BRINP3: variants seen among roughly 807,000 people sequenced by gnomAD.
BRINP3 encodes the protein BMP/retinoic acid-inducible neural-specific protein 3.
In BRINP3, 19 loss-of-function variants were observed where a neutral mutation model predicts 71.0. That is an observed-to-expected ratio of 0.27 (90% CI 0.19 to 0.39). The LOEUF (loss-of-function observed/expected upper bound fraction) is 0.39, where lower values mean the gene tolerates loss of function less well. Ranked by LOEUF, BRINP3 falls within the 10% of genes least tolerant of loss-of-function variation. The pLI is 1.00. For missense variants in BRINP3, 959 were observed against 940.8 expected (o/e 1.02, Z -0.25); for synonymous variants, 380 against 337.7 (o/e 1.13, Z -1.37).
At chr1:190,296,245 T>A (rs1375580322) in intron 2 of BRINP3, among the ~76,000 whole-genome samples, 1 of 150,986 alleles carries the variant, frequency 6.6e-6, no homozygotes, top group African/African-American at 2.4e-5. Flanking sequence ...AAAAAAAACA[T>A]GGGATGTAAG....
chr1:190,440,086 G>A (rs944627028), intron 2 of BRINP3, among the ~76,000 whole-genome samples: 8 of 151,828 alleles, frequency 5.3e-5, no homozygotes, highest in African/African-American at 1.9e-4. Context: ...ATTGTATAAA[G>A]TTCGATTATA....
intron 6 of BRINP3, among the ~76,000 whole-genome samples, chr1:190,224,860 T>A (rs1432024518): frequency 2.0e-5 from 3 of 151,968 alleles, no homozygotes; most frequent in Non-Finnish European, 4.4e-5. Flanking sequence ...ATATTTCTCA[T>A]AAGAAGACAT....
At position 190,160,867 on chromosome 1, in the gene BRINP3, T is replaced by C; in HGVS notation, c.985A>G (p.Arg329Gly). The change falls in exon 7 of 8, where the codon AGG becomes GGG. Residue 329 changes from arginine to glycine, a missense_variant. Coordinates refer to ENST00000367462, the MANE Select transcript of BRINP3 (RefSeq NM_199051.3). ...TTGAGGAAATAATTCATAGGTAGCC[T>C]TTTCATAAATAACTTGAATTCATCT... Reference protein sequence around the residue: ...ESDEFKLFMKRLPMNYFLNTS... With the variant: ...ESDEFKLFMKGLPMNYFLNTS... The C allele has an allele frequency of 1.9e-6, 3 of 1,602,526 alleles. No homozygotes were observed. The highest frequency in any genetic ancestry group is 1.7e-6 in the Non-Finnish European group (2 of 1,175,150).
intron 2 of BRINP3, among the ~76,000 whole-genome samples, chr1:190,390,799 T>G (rs988459723): frequency 2.8e-4 from 42 of 151,560 alleles, no homozygotes; most frequent in African/African-American, 1.0e-3. Flanking sequence ...AAAGAATGAG[T>G]ATAGAGAAAT....
At chr1:190,133,195 A>G (rs1293534452) in intron 7 of BRINP3, among the ~76,000 whole-genome samples, 1 of 152,154 alleles carries the variant, frequency 6.6e-6, no homozygotes, top group East Asian at 1.9e-4. Context: ...AGCATTTTAT[A>G]GATTATAGTA....
Position 190,098,043 on chromosome 1 carries a change from T to A in BRINP3, c.2276A>T (p.Tyr759Phe), listed in dbSNP as rs1195049884. 3.1e-6 allele frequency: 5 copies of A among 1,612,446 alleles called. No homozygotes were observed. The highest frequency in any genetic ancestry group is 4.2e-6 in the Non-Finnish European group (5 of 1,179,264). ...TTAACTACATAATTTGGTCGTGTCATAATCCATTGTGTTTGGCAATTTGGC... is the reference window on the plus strand; with the variant it reads ...TTAACTACATAATTTGGTCGTGTCAAAATCCATTGTGTTTGGCAATTTGGC... Reference protein sequence around the residue: ...FNAKLPNTMDYDTTKLCS With the variant: ...FNAKLPNTMDFDTTKLCS Residue 759 changes from tyrosine (Y) to phenylalanine (F), a missense_variant, in exon 8 of 8, where the codon TAT becomes TTT. Tyr to Phe is a conservative substitution (Grantham distance 22). Coordinates refer to ENST00000367462, the MANE Select transcript of BRINP3 (RefSeq NM_199051.3).
At chr1:190,387,146 TTA>T (rs1414301870) in intron 2 of BRINP3, among the ~76,000 whole-genome samples, 1 of 151,998 alleles carries the variant, frequency 6.6e-6, no homozygotes, top group East Asian at 1.9e-4. Context: ...ACCATCACTA[TTA>T]TATCTTATTG....
At chr1:190,270,709 G>A (rs1180896313) in intron 3 of BRINP3, among the ~76,000 whole-genome samples, 1 of 151,514 alleles carries the variant, frequency 6.6e-6, no homozygotes, top group Non-Finnish European at 1.5e-5. Context: ...ATCTGGCCCA[G>A]GTTTAAAATA....
At chr1:190,471,100 T>C (rs1247439435) in intron 1 of BRINP3, among the ~76,000 whole-genome samples, 1 of 151,218 alleles carries the variant, frequency 6.6e-6, no homozygotes, top group East Asian at 1.9e-4. Context: ...TGCTAGCTTA[T>C]ATTTATGCTT....
chr1:190,476,302 A>G (rs1677501378), intron 1 of BRINP3, among the ~76,000 whole-genome samples: 1 of 151,404 alleles, frequency 6.6e-6, no homozygotes, highest in Non-Finnish European at 1.5e-5. Flanking sequence ...TCTTACCTCC[A>G]TGTATCCCAA....
chr1:190,378,172 G>C (rs1670301105), intron 2 of BRINP3, among the ~76,000 whole-genome samples: 1 of 152,114 alleles, frequency 6.6e-6, no homozygotes, highest in Non-Finnish European at 1.5e-5. Context: ...GACAGTATTT[G>C]ACAGTATTGT....
intron 2 of BRINP3, among the ~76,000 whole-genome samples, chr1:190,387,323 T>G (rs1670975853): frequency 6.6e-6 from 1 of 151,950 alleles, no homozygotes; most frequent in Admixed American, 6.6e-5. Flanking sequence ...GTGCAAAAGA[T>G]CTCAAGAATT....
intron 7 of BRINP3, among the ~76,000 whole-genome samples, chr1:190,120,749 G>A (rs936708219): frequency 4.6e-5 from 7 of 150,822 alleles, no homozygotes; most frequent in Admixed American, 1.3e-4. Flanking sequence ...GTGATCCACC[G>A]CCTCGGCCTC....
chr1:190,121,982 G>A (rs886121886), intron 7 of BRINP3, among the ~76,000 whole-genome samples: 1 of 152,164 alleles, frequency 6.6e-6, no homozygotes, highest in Admixed American at 6.6e-5. Context: ...ATAAGTGGAG[G>A]AGGATAATAG....
chr1:190,319,984 T>C (rs1449624937), intron 2 of BRINP3, among the ~76,000 whole-genome samples: 4 of 152,068 alleles, frequency 2.6e-5, no homozygotes, highest in African/African-American at 7.2e-5. Context: ...TTCTATAAGT[T>C]TTTTGTTTAA....
At chr1:190,221,143 G>A (rs1416839570) in intron 6 of BRINP3, among the ~76,000 whole-genome samples, 2 of 152,014 alleles carry the variant, frequency 1.3e-5, no homozygotes, top group East Asian at 3.9e-4. Flanking sequence ...GCTTGAACCC[G>A]GGAGGCAGAG....
intron 6 of BRINP3, among the ~76,000 whole-genome samples, chr1:190,225,193 A>G (rs946232924): frequency 2.6e-5 from 4 of 152,036 alleles, no homozygotes; most frequent in African/African-American, 9.7e-5. Context: ...TTGCAGCACT[A>G]TTCCCAATAA....
intron 2 of BRINP3, among the ~76,000 whole-genome samples, chr1:190,300,332 T>C (rs550442166): frequency 3.3e-5 from 5 of 152,286 alleles, no homozygotes; most frequent in Admixed American, 6.5e-5. Context: ...TTTCTTCCAG[T>C]TGATCGCATC....
At chr1:190,373,396 AT>A (rs1669987399) in intron 2 of BRINP3, among the ~76,000 whole-genome samples, 2 of 151,844 alleles carry the variant, frequency 1.3e-5, no homozygotes, top group East Asian at 1.9e-4. Context: ...TCTAAAAAAA[AT>A]AAAATAAAGT....
Sources: allele counts gnomAD v4.1 joint callset (sites outside exome capture counted in the v4.1 genomes callset), GRCh38; gene constraint gnomAD v4.1.1; transcripts MANE v1.5; gene names NCBI Gene and HGNC (gene_info 2026-07-23, HGNC 2026-07-21).